Variants in KCTD16 observed in about 807,000 individuals in gnomAD.
KCTD16 encodes BTB/POZ domain-containing protein KCTD16.
KCTD16 carries 13 observed loss-of-function variants against 33.2 expected under a neutral mutation model. The ratio of observed to expected loss-of-function variants is 0.39; its 90% CI spans 0.25 to 0.62. The LOEUF (loss-of-function observed/expected upper bound fraction) is 0.62, where lower values mean the gene tolerates loss of function less well. Among genes scored for constraint, KCTD16 ranks in the 20% least tolerant of loss-of-function variants. The probability of loss-of-function intolerance (pLI) is 0.50; values close to 1 mark genes in which losing one functional copy is unlikely to be tolerated. For synonymous variants in KCTD16, 197 were observed against 195.3 expected, an observed-to-expected ratio of 1.01 and a Z score of -0.07; for missense variants, 441 against 525.1, an observed-to-expected ratio of 0.84 and a Z score of 1.57.
chr5:144,410,349 T>G (rs1370104811), intron 3 of KCTD16, among the ~76,000 whole-genome samples: 1 of 152,208 alleles, frequency 6.6e-6, no homozygotes, highest in Non-Finnish European at 1.5e-5. Flanking sequence ...TTAAATCTAT[T>G]TCTGTAGAAG....
At chr5:144,275,517 G>A (rs1166219937) in intron 3 of KCTD16, among the ~76,000 whole-genome samples, 2 of 152,068 alleles carry the variant, frequency 1.3e-5, no homozygotes, top group Non-Finnish European at 2.9e-5. Flanking sequence ...CTCTAAAACT[G>A]TATTGTTACA....
intron 3 of KCTD16, among the ~76,000 whole-genome samples, chr5:144,347,298 A>G (rs1030516134): frequency 6.6e-6 from 1 of 152,208 alleles, no homozygotes; most frequent in Non-Finnish European, 1.5e-5. Context: ...ACTTTAAAGA[A>G]GTAAATGCAA....
At chr5:144,329,702 A>G (rs542247879) in intron 3 of KCTD16, among the ~76,000 whole-genome samples, 1 of 152,338 alleles carries the variant, frequency 6.6e-6, no homozygotes, top group Admixed American at 6.5e-5. Context: ...GTGCCAAGAA[A>G]TAAGCTTCTA....
chr5:144,258,348 T>C (rs930162790), intron 3 of KCTD16, among the ~76,000 whole-genome samples: 1 of 151,862 alleles, frequency 6.6e-6, no homozygotes, highest in African/African-American at 2.4e-5. Flanking sequence ...TAGTATAATA[T>C]AGAGTACAGT....
At chr5:144,266,961 A>G (rs981001569) in intron 3 of KCTD16, among the ~76,000 whole-genome samples, 1 of 152,178 alleles carries the variant, frequency 6.6e-6, no homozygotes, top group African/African-American at 2.4e-5. Flanking sequence ...CGGTTGGTGC[A>G]AAAGTAATTG....
intron 3 of KCTD16, among the ~76,000 whole-genome samples, chr5:144,455,889 C>T (rs2126988331): frequency 6.6e-6 from 1 of 152,288 alleles, no homozygotes; most frequent in Non-Finnish European, 1.5e-5. Flanking sequence ...AATGGCATCA[C>T]AGAAGTGAAC....
At chr5:144,395,162 G>A (rs536983576) in intron 3 of KCTD16, among the ~76,000 whole-genome samples, 1 of 152,290 alleles carries the variant, frequency 6.6e-6, no homozygotes, top group African/African-American at 2.4e-5. Flanking sequence ...GCTAGAGTTT[G>A]AGACCCACTT....
intron 3 of KCTD16, among the ~76,000 whole-genome samples, chr5:144,230,932 C>T (rs1240451799): frequency 6.6e-6 from 1 of 152,212 alleles, no homozygotes; most frequent in Non-Finnish European, 1.5e-5. Flanking sequence ...TCAGGCAGAG[C>T]ATAGCCTGTT....
intron 3 of KCTD16, among the ~76,000 whole-genome samples, chr5:144,301,766 A>T (rs958986043): frequency 1.1e-4 from 16 of 152,356 alleles, no homozygotes; most frequent in African/African-American, 3.4e-4. Flanking sequence ...CCAAGTGCTC[A>T]GCAGTTTGCC....
chr5:144,259,498 C>CTATTAATAT (rs1754948036), intron 3 of KCTD16, among the ~76,000 whole-genome samples: 1 of 152,110 alleles, frequency 6.6e-6, no homozygotes. Context: ...AAAGATGTGC[C>CTATTAATAT]CATTTGCAGA....
intron 3 of KCTD16, among the ~76,000 whole-genome samples, chr5:144,393,079 A>T (rs1752486321): frequency 6.6e-6 from 1 of 152,210 alleles, no homozygotes. Context: ...CAATACTATG[A>T]TGAATGATAG....
At chr5:144,324,967 G>A (rs1055428277) in intron 3 of KCTD16, among the ~76,000 whole-genome samples, 8 of 152,176 alleles carry the variant, frequency 5.3e-5, no homozygotes, top group African/African-American at 1.2e-4. Context: ...AATAGCTAAT[G>A]CATGCTGGGC....
chr5:144,419,455 T>C (rs73296052), intron 3 of KCTD16, among the ~76,000 whole-genome samples: 8,148 of 152,272 alleles, frequency 0.054, 753 homozygotes, highest in African/African-American at 0.19. Context: ...CAAGGTATAC[T>C]CTTGTCAACT....
intron 3 of KCTD16, among the ~76,000 whole-genome samples, chr5:144,374,845 T>C (rs1052368539): frequency 6.6e-6 from 1 of 152,196 alleles, no homozygotes; most frequent in Non-Finnish European, 1.5e-5. Flanking sequence ...TGTTTTTCAC[T>C]GAAGTTTAGA....
chr5:144,346,795 A>G (rs549840628), intron 3 of KCTD16, among the ~76,000 whole-genome samples: 71 of 152,200 alleles, frequency 4.7e-4, no homozygotes, highest in African/African-American at 1.7e-3. Context: ...ATTTTCTCCC[A>G]TTATGTGGGT....
chr5:144,240,224 A>C (rs1754364655), intron 3 of KCTD16, among the ~76,000 whole-genome samples: 1 of 152,178 alleles, frequency 6.6e-6, no homozygotes, highest in African/African-American at 2.4e-5. Context: ...TTCTGACTGC[A>C]TCAGAATGCT....
intron 3 of KCTD16, among the ~76,000 whole-genome samples, chr5:144,218,717 A>G (rs1451800186): frequency 6.6e-6 from 1 of 152,210 alleles, no homozygotes; most frequent in African/African-American, 2.4e-5. Context: ...TACCATTATT[A>G]TGATTTTAAC....
At chr5:144,243,124 A>G (rs947309797) in intron 3 of KCTD16, among the ~76,000 whole-genome samples, 1 of 152,192 alleles carries the variant, frequency 6.6e-6, no homozygotes, top group Non-Finnish European at 1.5e-5. Context: ...TTTGGGAGGA[A>G]GACCATAGAT....
At chr5:144,271,976 A>G (rs1286788364) in intron 3 of KCTD16, among the ~76,000 whole-genome samples, 2 of 152,184 alleles carry the variant, frequency 1.3e-5, no homozygotes, top group Non-Finnish European at 2.9e-5. Flanking sequence ...AAAGAACTGT[A>G]TAATGAAAAT....
Sources: allele counts gnomAD v4.1 joint callset (sites outside exome capture counted in the v4.1 genomes callset), GRCh38; gene constraint gnomAD v4.1.1; transcripts MANE v1.5; gene names NCBI Gene and HGNC (gene_info 2026-07-23, HGNC 2026-07-21).